NELL1: variants seen among roughly 807,000 people sequenced by gnomAD.
The protein encoded by NELL1 is neural EGFL like 1, also known as protein kinase C-binding protein NELL1.
A neutral mutation model predicts 107.4 loss-of-function variants in NELL1; 76 were observed. The observed-to-expected ratio is 0.71, with a 90% confidence interval of 0.59 to 0.86. NELL1 has a LOEUF of 0.86. NELL1 is among the 40% of genes least tolerant of loss of function. The probability of loss-of-function intolerance (pLI) is 0.00; values close to 1 mark genes in which losing one functional copy is unlikely to be tolerated. For synonymous variants in NELL1, 353 were observed against 341.2 expected (o/e 1.03, Z -0.38); for missense variants, 1,024 against 1,005.5 (o/e 1.02, Z -0.25).
intron 15 of NELL1, among the ~76,000 whole-genome samples, chr11:21,441,896 T>C (rs565122613): frequency 6.6e-6 from 1 of 152,180 alleles, no homozygotes; most frequent in Non-Finnish European, 1.5e-5. Flanking sequence ...TCATGGAATA[T>C]ATATTTACCC....
At chr11:20,963,658 C>T (rs1006723653) in intron 12 of NELL1, among the ~76,000 whole-genome samples, 2 of 152,078 alleles carry the variant, frequency 1.3e-5, no homozygotes, top group Non-Finnish European at 2.9e-5. Context: ...CAAATGCCCT[C>T]CTAGGAACAG....
chr11:21,250,751 A>C (rs917758122), intron 14 of NELL1, among the ~76,000 whole-genome samples: 10 of 152,202 alleles, frequency 6.6e-5, no homozygotes, highest in Non-Finnish European at 1.3e-4. Flanking sequence ...AAATAAGTGA[A>C]TCCCAAACCT....
intron 15 of NELL1, among the ~76,000 whole-genome samples, chr11:21,476,827 C>G (rs1215012482): frequency 1.3e-5 from 2 of 152,076 alleles, no homozygotes; most frequent in African/African-American, 4.8e-5. Context: ...GGACTTTGCA[C>G]TAAAACACAG....
chr11:20,848,527 A>G (rs1368581381), intron 4 of NELL1, among the ~76,000 whole-genome samples: 2 of 152,130 alleles, frequency 1.3e-5, no homozygotes, highest in East Asian at 3.9e-4. Context: ...ATCCTTATGG[A>G]TAGTGACCCG....
At chr11:20,923,993 T>C (rs1267761730) in intron 7 of NELL1, among the ~76,000 whole-genome samples, 1 of 152,192 alleles carries the variant, frequency 6.6e-6, no homozygotes, top group Non-Finnish European at 1.5e-5. Context: ...TTTCATTATG[T>C]AGAGTTCAGA....
At chr11:20,780,186 A>G (rs1856826171) in intron 2 of NELL1, among the ~76,000 whole-genome samples, 1 of 152,172 alleles carries the variant, frequency 6.6e-6, no homozygotes, top group Admixed American at 6.5e-5. Context: ...TCAACATAAG[A>G]AATGTTTCAT....
intron 12 of NELL1, among the ~76,000 whole-genome samples, chr11:21,064,458 A>C (rs547212176): frequency 1.3e-5 from 2 of 152,188 alleles, no homozygotes; most frequent in African/African-American, 2.4e-5. Context: ...TTTTGAAGCT[A>C]GAGCCGATAG....
chr11:21,111,237 C>T (rs992732233), intron 12 of NELL1, among the ~76,000 whole-genome samples: 5 of 152,156 alleles, frequency 3.3e-5, no homozygotes, highest in African/African-American at 1.2e-4. Context: ...TGCCTGTCTG[C>T]GAGGTCTATG....
At chr11:21,321,700 A>G (rs1485548091) in intron 14 of NELL1, among the ~76,000 whole-genome samples, 2 of 152,174 alleles carry the variant, frequency 1.3e-5, no homozygotes, top group African/African-American at 2.4e-5. Context: ...GAGATGTGAA[A>G]TCACTTGTCC....
chr11:21,362,494 A>G (rs1273488639), intron 14 of NELL1, among the ~76,000 whole-genome samples: 1 of 152,190 alleles, frequency 6.6e-6, no homozygotes, highest in East Asian at 1.9e-4. Context: ...TGAAGTTGTC[A>G]CATAGACACC....
chr11:20,878,358 C>CAAAAAAAAAAA (rs58962461), intron 4 of NELL1, among the ~76,000 whole-genome samples: 1 of 95,748 alleles, frequency 1.0e-5, no homozygotes. Context: ...GACCCCGTCT[C>CAAAAAAAAAAA]AAAAAAAAAA....
At chr11:21,078,530 T>G (rs2133664194) in intron 12 of NELL1, among the ~76,000 whole-genome samples, 1 of 152,262 alleles carries the variant, frequency 6.6e-6, no homozygotes, top group East Asian at 1.9e-4. Flanking sequence ...GCAGTCATGG[T>G]GCAACCGCAA....
At chr11:21,422,592 T>C (rs1852708891) in intron 15 of NELL1, among the ~76,000 whole-genome samples, 1 of 152,156 alleles carries the variant, frequency 6.6e-6, no homozygotes, top group Non-Finnish European at 1.5e-5. Context: ...TTTTATGTTA[T>C]TGGAGTGAAG....
rs142774458 is a variant in NELL1, at chr11:21,132,329, C to T, written c.1426+18615C>T. ...ACCAGCTGGAAACCTCTGTGGCTGA[C>T]GGAGCCTCCCGTCTAAGTATTGCTC... On this transcript the variant is annotated intron_variant, in intron 13 of 19. Coordinates refer to ENST00000357134, the MANE Select transcript of NELL1 (RefSeq NM_006157.5). 2.1e-4 allele frequency among the ~76,000 whole-genome samples: 32 copies of T among 152,240 alleles called. No individual in the cohort carries two copies. In the East Asian group the frequency reaches 5.0e-3, roughly 24 times the overall value.
chr11:21,389,177 C>T (rs1009814441), intron 15 of NELL1, among the ~76,000 whole-genome samples: 5 of 151,564 alleles, frequency 3.3e-5, no homozygotes, highest in African/African-American at 1.2e-4. Flanking sequence ...GGATCTATGC[C>T]CTTATTATTC....
At chr11:21,433,457 G>A (rs1853021469) in intron 15 of NELL1, among the ~76,000 whole-genome samples, 1 of 152,098 alleles carries the variant, frequency 6.6e-6, no homozygotes, top group Admixed American at 6.5e-5. Flanking sequence ...TCTACATGCT[G>A]TTTTCAATAA....
intron 2 of NELL1, among the ~76,000 whole-genome samples, chr11:20,738,168 G>A (rs56994619): frequency 2.6e-5 from 4 of 151,888 alleles, no homozygotes; most frequent in Admixed American, 6.6e-5. Flanking sequence ...CGTGTGCACA[G>A]CTGTGCACGT....
intron 14 of NELL1, among the ~76,000 whole-genome samples, chr11:21,273,127 C>A (rs1307778456): frequency 1.3e-5 from 2 of 152,026 alleles, no homozygotes; most frequent in Admixed American, 6.6e-5. Context: ...GAAGTTCAAA[C>A]CCATGGCAAA....
intron 12 of NELL1, among the ~76,000 whole-genome samples, chr11:21,080,852 G>A (rs1355892642): frequency 1.3e-5 from 2 of 151,870 alleles, no homozygotes; most frequent in Non-Finnish European, 2.9e-5. Context: ...ACAAAGTAGT[G>A]TTGGATTATA....
Sources: gnomAD v4.1 joint callset for allele counts (sites outside exome capture counted in the v4.1 genomes callset) on GRCh38, gnomAD v4.1.1 for gene constraint, MANE v1.5 for transcripts, NCBI Gene and HGNC (gene_info 2026-07-23, HGNC 2026-07-21) for gene names.